The following FUT9 variants were observed in gnomAD, a reference collection of about 807,000 sequenced individuals.
The protein encoded by FUT9 is 4-galactosyl-N-acetylglucosaminide 3-alpha-L-fucosyltransferase 9.
Under a neutral mutation model 29.7 loss-of-function variants are expected in FUT9, and 15 were observed. The observed-to-expected ratio is 0.51, with a 90% CI of 0.34 to 0.78. The LOEUF is 0.78. Ranked by LOEUF, FUT9 falls within the 30% of genes least tolerant of loss-of-function variation. FUT9 has a pLI of 0.01. For synonymous variants in FUT9, 169 were observed against 153.7 expected (o/e 1.10, Z -0.74); for missense variants, 319 against 425.4 (o/e 0.75, Z 2.20).
intron 1 of FUT9, among the ~76,000 whole-genome samples, chr6:96,040,711 G>A (rs1329516827): frequency 2.6e-5 from 4 of 152,058 alleles, no homozygotes; most frequent in Non-Finnish European, 5.9e-5. Flanking sequence ...ACCTGTTTTG[G>A]AGGTAGCATT....
chr6:96,163,591 G>T (rs1177646721), intron 2 of FUT9, among the ~76,000 whole-genome samples: 3 of 152,066 alleles, frequency 2.0e-5, no homozygotes, highest in Non-Finnish European at 2.9e-5. Context: ...CCTCACCGCC[G>T]ATTTCCTTTT....
chr6:96,037,011 A>C (rs1267794442), intron 1 of FUT9: 3 of 151,986 alleles, frequency 2.0e-5, no homozygotes, highest in Non-Finnish European at 4.4e-5. Flanking sequence ...TAAAACTAGA[A>C]AGCTAGAGGC....
chr6:96,175,131 G>C (rs1018956608), intron 2 of FUT9, among the ~76,000 whole-genome samples: 31 of 151,716 alleles, frequency 2.0e-4, no homozygotes, highest in African/African-American at 7.3e-4. Flanking sequence ...TCCTCAGCAA[G>C]ATATCAAGTG....
At chr6:96,062,366 C>CA (rs34955253) in intron 1 of FUT9, among the ~76,000 whole-genome samples, 83,638 of 151,746 alleles carry the variant, frequency 0.55, 23,119 homozygotes, top group South Asian at 0.63. Flanking sequence ...CAATGATATT[C>CA]AAGTTGATAA....
At chr6:96,074,519 T>C (rs949204935) in intron 1 of FUT9, among the ~76,000 whole-genome samples, 10 of 152,316 alleles carry the variant, frequency 6.6e-5, no homozygotes, top group African/African-American at 2.4e-4. Context: ...CCTTTTCTTC[T>C]TTGTTAAAGG....
chr6:96,056,388 A>G (rs1005563872), intron 1 of FUT9, among the ~76,000 whole-genome samples: 41 of 152,336 alleles, frequency 2.7e-4, no homozygotes, highest in African/African-American at 9.9e-4. Context: ...GCAGGTGGAG[A>G]ATCAGTACTA....
chr6:96,130,144 A>G (rs1191452168), intron 2 of FUT9, among the ~76,000 whole-genome samples: 2 of 152,112 alleles, frequency 1.3e-5, no homozygotes, highest in Non-Finnish European at 2.9e-5. Flanking sequence ...TTATATTTGA[A>G]AAGTACTTTT....
rs888063318 is a variant in FUT9, at chr6:96,210,213, A to G, written c.*5978A>G. ...ATGAGGTATTACCTTTCTTTAGTTCACCTGGAATCTTCTTAAATATATCGG... is the reference window on the plus strand; with the variant it reads ...ATGAGGTATTACCTTTCTTTAGTTCGCCTGGAATCTTCTTAAATATATCGG... On this transcript the variant is annotated 3_prime_UTR_variant, in exon 3 of 3. Coordinates refer to ENST00000302103, the MANE Select transcript of FUT9 (RefSeq NM_006581.4). 1 of 166,864 alleles carries G rather than the reference A, an allele frequency of 6.0e-6. No individual in the cohort carries two copies. The highest frequency in any genetic ancestry group is 1.5e-5 in the Non-Finnish European group (1 of 68,042). 10.3% of individuals were successfully genotyped at this position (166,864 alleles called of 1,614,324 possible).
intron 2 of FUT9, among the ~76,000 whole-genome samples, chr6:96,148,708 A>T (rs1772619089): frequency 6.6e-6 from 1 of 152,190 alleles, no homozygotes; most frequent in African/African-American, 2.4e-5. Flanking sequence ...TAAAATTTTT[A>T]AAAAGTGGCC....
chr6:96,206,484 A>G lies in FUT9; in HGVS notation c.*2249A>G, dbSNP rs544268094. The G allele has an allele frequency of 6.0e-6, 1 of 166,986 alleles. No homozygotes were observed. Among genetic ancestry groups the G allele is most frequent in the Non-Finnish European group, 1.5e-5 (1 of 68,108 alleles). The allele number at this position is 166,986 out of a possible 1,614,324, so 10.3% of individuals were successfully genotyped here. A position where few individuals can be genotyped will look rare whatever the true frequency, so the allele number is the denominator to read the frequency against. ...TTTTTTTATTATTATTATTTTTGTG[A>G]TAGAGTCTTGCTCTGTCGCCCAGGC... On this transcript the variant is annotated 3_prime_UTR_variant, in exon 3 of 3. Coordinates refer to ENST00000302103, the MANE Select transcript of FUT9 (RefSeq NM_006581.4).
chr6:96,213,626 T>C lies in FUT9; in HGVS notation c.*9391T>C, dbSNP rs1000762479. 6.0e-6 allele frequency: 1 copy of C among 166,912 alleles called. No homozygotes were observed. Among genetic ancestry groups the C allele is most frequent in the Non-Finnish European group, 1.5e-5 (1 of 68,042 alleles). 10.3% of individuals were successfully genotyped at this position (166,912 alleles called of 1,614,324 possible). ...TAGTTGTTTATTGCTATTAACTTTC[T>C]GTGTATGTATTATTGCGATGCAGAC... On this transcript the variant is annotated 3_prime_UTR_variant, in exon 3 of 3. Coordinates refer to ENST00000302103, the MANE Select transcript of FUT9 (RefSeq NM_006581.4).
intron 1 of FUT9, among the ~76,000 whole-genome samples, chr6:96,035,794 A>AATAAT (rs1770346912): frequency 1.0e-5 from 1 of 97,926 alleles, no homozygotes; most frequent in Admixed American, 1.1e-4. Context: ...TATTTATTAT[A>AATAAT]CTAATATAAT....
chr6:96,024,208 A>G (rs189844771), intron 1 of FUT9, among the ~76,000 whole-genome samples: 2 of 151,906 alleles, frequency 1.3e-5, no homozygotes, highest in East Asian at 1.9e-4. Flanking sequence ...CAATATCCTA[A>G]AAGTCTGATT....
chr6:96,198,660 A>G (rs1381097450), intron 2 of FUT9, among the ~76,000 whole-genome samples: 5 of 152,142 alleles, frequency 3.3e-5, no homozygotes, highest in Non-Finnish European at 7.3e-5. Flanking sequence ...GTCAAATGGT[A>G]TTTCTAGTTC....
At chr6:96,189,081 G>GTGTTGGGGGAAGGTTGGGAGAC (rs1773457631) in intron 2 of FUT9, among the ~76,000 whole-genome samples, 1 of 152,154 alleles carries the variant, frequency 6.6e-6, no homozygotes, top group Non-Finnish European at 1.5e-5. Flanking sequence ...TTGATTTAGT[G>GTGTTGGGGGAAGGTTGGGAGAC]TGTTGGGGGA....
intron 2 of FUT9, among the ~76,000 whole-genome samples, chr6:96,200,550 G>C (rs963211339): frequency 1.3e-5 from 2 of 152,078 alleles, no homozygotes; most frequent in African/African-American, 4.8e-5. Flanking sequence ...CTGGCTAAGG[G>C]TGAGCATTTA....
intron 2 of FUT9, among the ~76,000 whole-genome samples, chr6:96,152,519 A>T (rs1256779734): frequency 6.6e-6 from 1 of 152,210 alleles, no homozygotes; most frequent in Non-Finnish European, 1.5e-5. Flanking sequence ...CAACTGCTCA[A>T]TAAATATTTT....
Position 96,212,387 on chromosome 6 carries a change from A to G in FUT9, c.*8152A>G, listed in dbSNP as rs1394305692. 1 of 412,350 alleles carries G rather than the reference A, an allele frequency of 2.4e-6. No homozygotes were observed. Among genetic ancestry groups the G allele is most frequent in the Admixed American group, 4.4e-5 (1 of 22,654 alleles). The allele number at this position is 412,350 out of a possible 1,614,324, so 25.5% of individuals were successfully genotyped here. ...TGCCTCAAGAGTCCTTAAGCAAATG[A>G]AGATTATCTGATTGTCTATGTAAAC... On this transcript the variant is annotated 3_prime_UTR_variant, in exon 3 of 3. Transcript: ENST00000302103.
At chr6:96,094,832 TTTG>T (rs1771468561) in intron 1 of FUT9, among the ~76,000 whole-genome samples, 1 of 152,068 alleles carries the variant, frequency 6.6e-6, no homozygotes, top group South Asian at 2.1e-4. Flanking sequence ...AAGACAAGTT[TTTG>T]TTGTTGTCAT....
Sources: gnomAD v4.1 joint callset for allele counts (sites outside exome capture counted in the v4.1 genomes callset) on GRCh38, gnomAD v4.1.1 for gene constraint, MANE v1.5 for transcripts, NCBI Gene and HGNC (gene_info 2026-07-23, HGNC 2026-07-21) for gene names.